Variants in XPO6 observed in about 807,000 individuals in gnomAD.
XPO6 encodes the protein exportin-6.
A neutral mutation model predicts 130.0 loss-of-function variants in XPO6; 3 were observed. That is an observed-to-expected ratio of 0.02 (90% confidence interval 0.01 to 0.06). The LOEUF is 0.06. Among genes scored for constraint, XPO6 ranks in the 10% least tolerant of loss-of-function variants. XPO6 has a pLI of 1.00. For synonymous variants in XPO6, 524 were observed against 548.9 expected (o/e 0.95, Z 0.63); for missense variants, 970 against 1,393.0 (o/e 0.70, Z 4.83).
At chr16:28,127,143 G>A (rs1307839657) in intron 12 of XPO6, among the ~76,000 whole-genome samples, 1 of 152,112 alleles carries the variant, frequency 6.6e-6, no homozygotes. Context: ...GCTCTCTCAT[G>A]GCCTCGCCAC....
Position 28,211,525 on chromosome 16 carries a change from A to C in XPO6, c.-157T>G. 77 of 799,510 alleles carry C rather than the reference A, an allele frequency of 9.6e-5. No homozygotes were observed. The highest frequency in any genetic ancestry group is 4.2e-4 in the Middle Eastern group (1 of 2,354). 49.5% of individuals were successfully genotyped at this position (799,510 alleles called of 1,614,324 possible). On this transcript the variant is annotated 5_prime_UTR_variant, in exon 1 of 24. Coordinates refer to ENST00000304658, the MANE Select transcript of XPO6 (RefSeq NM_015171.4). ...CCGGGCCCCGAGGGGACCCTCTAAA[A>C]AGGGCAGGGCCGCCCGGGTCGCCTC...
At chr16:28,146,070 G>A (rs2042977601) in intron 9 of XPO6, 24 bp downstream of exon 9, 1 of 1,564,120 alleles carries the variant, frequency 6.4e-7, no homozygotes, top group African/African-American at 1.4e-5. Flanking sequence ...ACCATATCTA[G>A]TTTTCAGTGT....
intron 4 of XPO6, among the ~76,000 whole-genome samples, chr16:28,174,302 A>C (rs1251263251): frequency 6.6e-6 from 1 of 152,086 alleles, no homozygotes; most frequent in African/African-American, 2.4e-5. Context: ...TTCTGCTCAA[A>C]TGTCTGTCCC....
At chr16:28,180,882 C>A in intron 2 of XPO6, 59 bp downstream of exon 2, 1 of 1,408,388 alleles carries the variant, frequency 7.1e-7, no homozygotes, top group East Asian at 2.3e-5. Context: ...ACAACTCCTT[C>A]CTCCCTACCA....
chr16:28,140,900 A>G (rs963478776), intron 9 of XPO6, among the ~76,000 whole-genome samples: 1 of 152,224 alleles, frequency 6.6e-6, no homozygotes, highest in Non-Finnish European at 1.5e-5. Flanking sequence ...AAAAACACAC[A>G]GGTGATAAAC....
At chr16:28,128,316 A>G (rs576864957) in intron 12 of XPO6, among the ~76,000 whole-genome samples, 26 of 152,248 alleles carry the variant, frequency 1.7e-4, no homozygotes, top group Admixed American at 1.6e-3. Context: ...TACAGGCCCA[A>G]AAAGAGGGGA....
chr16:28,163,710 A>C (rs916139774), intron 6 of XPO6, among the ~76,000 whole-genome samples: 7 of 152,342 alleles, frequency 4.6e-5, no homozygotes, highest in Admixed American at 4.6e-4. Flanking sequence ...AAGGTCACAG[A>C]GTAAGTGGCA....
In XPO6 at chr16:28,113,019, T is replaced by C; in HGVS notation, c.2036A>G (p.His679Arg). ...GGTGGTGGCCAGTGAGACCAGTAAG[T>C]GGCACGCAGATAGCAGCAGCTTGTC... Reference protein sequence around the residue: ...VQDKLLLSACHLLVSLATTVR... With the variant: ...VQDKLLLSACRLLVSLATTVR... The change falls in exon 16 of 24, where the codon CAC becomes CGC. Residue 679 changes from histidine (H) to arginine (R), a missense_variant. His to Arg is a conservative substitution (Grantham distance 29). This residue lies in a region of XPO6 where 936 missense variants were observed against 1,306.8 expected (regional missense o/e 0.72). Coordinates refer to ENST00000304658, the MANE Select transcript of XPO6 (RefSeq NM_015171.4). The C allele has an allele frequency of 1.2e-6, 2 of 1,614,034 alleles. No individual in the cohort carries two copies. The highest frequency in any genetic ancestry group is 1.1e-5 in the South Asian group (1 of 91,052).
At chr16:28,170,089 T>C (rs956566664) in intron 4 of XPO6, among the ~76,000 whole-genome samples, 180 bp from the exon 5 acceptor site, 3 of 151,934 alleles carry the variant, frequency 2.0e-5, no homozygotes, top group Non-Finnish European at 2.9e-5. Flanking sequence ...TCCCAGCACT[T>C]TGGGTGGCTG....
chr16:28,144,250 T>C (rs939324938), intron 9 of XPO6, among the ~76,000 whole-genome samples: 5 of 152,206 alleles, frequency 3.3e-5, no homozygotes, highest in African/African-American at 1.2e-4. Flanking sequence ...CCTGACACCA[T>C]AGCAACCTGG....
chr16:28,187,347 A>G (rs2043711618), intron 1 of XPO6, among the ~76,000 whole-genome samples: 1 of 152,196 alleles, frequency 6.6e-6, no homozygotes. Flanking sequence ...TCTTGTAATC[A>G]GTACTACAGA....
In XPO6 at chr16:28,169,899, G is replaced by T. The variant is rs1423712275; in HGVS notation, c.416C>A (p.Ser139Tyr). ...CAGCCCAAGGGGGGTTGTCACAGGG[G>T]ACTGGATCAACTGCCAGGAAAAAGC... ...FFTNILQLIQSPVTTPLGLIM... is the reference protein window; with the variant it reads ...FFTNILQLIQYPVTTPLGLIM... The change falls in exon 5 of 24, where the codon TCC becomes TAC. Residue 139 changes from serine (S) to tyrosine (Y), a missense_variant. This residue lies in a region of XPO6 where 936 missense variants were observed against 1,306.8 expected (regional missense o/e 0.72). Transcript: ENST00000304658. The T allele has an allele frequency of 3.7e-6, 6 of 1,613,988 alleles. No homozygotes were observed.
In XPO6 at chr16:28,104,494, C is replaced by T. The variant is rs1222237822; in HGVS notation, c.2946+52G>A. 2.1e-5 allele frequency: 33 copies of T among 1,596,882 alleles called. 3 individuals carry two copies. In the Admixed American group the frequency reaches 5.4e-4, roughly 26 times the overall value. On this transcript the variant is annotated intron_variant, in intron 21 of 23. Transcript: ENST00000304658. ...GGGGCTTCGAAGACAGGACTCGCTG[C>T]AGTGGTCAGGTTAGAGGAAGTCACC...
rs1422061194 is a variant in XPO6 at position 28,156,054 on chromosome 16, T to C, written c.1097+20A>G. 6.3e-7 allele frequency: 1 copy of C among 1,576,292 alleles called. No individual in the cohort carries two copies. Among genetic ancestry groups the C allele is most frequent in the Non-Finnish European group, 8.6e-7 (1 of 1,159,602 alleles). ...GGGCCCTTTCTTGGGGCACACCAGCTCCACACTTGGTTTCATTACCTCTCA... is the reference window on the plus strand; with the variant it reads ...GGGCCCTTTCTTGGGGCACACCAGCCCCACACTTGGTTTCATTACCTCTCA... On this transcript the variant is annotated intron_variant, in intron 7 of 23. Transcript: ENST00000304658.
intron 4 of XPO6, among the ~76,000 whole-genome samples, chr16:28,174,994 T>C (rs1482728157): frequency 6.6e-6 from 1 of 152,184 alleles, no homozygotes; most frequent in Non-Finnish European, 1.5e-5. Flanking sequence ...TAATGTCTCA[T>C]TAGTTATTAC....
Position 28,180,997 on chromosome 16 carries a change from C to T in XPO6, c.38G>A (p.Ser13Asn). 1.2e-6 allele frequency: 2 copies of T among 1,613,558 alleles called. No individual in the cohort carries two copies. Among genetic ancestry groups the T allele is most frequent in the South Asian group, 1.1e-5 (1 of 90,974 alleles). Residue 13 changes from serine to asparagine, a missense_variant, in exon 2 of 24, where the codon AGT (serine) becomes AAT (asparagine). Ser to Asn is a conservative substitution (Grantham distance 46, BLOSUM62 1). Transcript: ENST00000304658. The stretch of plus-strand genomic sequence containing the variant: ...ATCGTGAAAAAATTCTGTCATCAGA[C>T]TTTCCAATGCCCTGAGAGAGGCTTC... ...SEEASLRALE[S>N]LMTEFFHDCT...
At chr16:28,211,239 C>A (rs1034398845) in intron 1 of XPO6, 127 bp downstream of exon 1, 1 of 1,013,036 alleles carries the variant, frequency 9.9e-7, no homozygotes, top group Non-Finnish European at 1.3e-6. Flanking sequence ...GCATGTGTCA[C>A]CGGCCAGGCT....
At chr16:28,108,697 G>A (rs1294402532) in intron 17 of XPO6, among the ~76,000 whole-genome samples, 1 of 152,232 alleles carries the variant, frequency 6.6e-6, no homozygotes, top group Non-Finnish European at 1.5e-5. Flanking sequence ...TGGGCTGAGA[G>A]CTGCCTCCCA....
chr16:28,123,799 A>C (rs1327930567), intron 13 of XPO6, among the ~76,000 whole-genome samples: 1 of 152,220 alleles, frequency 6.6e-6, no homozygotes, highest in African/African-American at 2.4e-5. Context: ...GTCTGTGTTT[A>C]GCAGTTCTAA....
Sources: allele counts gnomAD v4.1 joint callset (sites outside exome capture counted in the v4.1 genomes callset), GRCh38; gene constraint gnomAD v4.1.1; regional missense constraint gnomAD v4.1.1; transcripts MANE v1.5; gene names NCBI Gene and HGNC (gene_info 2026-07-23, HGNC 2026-07-21).